PAX5: variants seen among roughly 807,000 people sequenced by gnomAD.
PAX5 encodes the protein paired box 5.
Under a neutral mutation model 43.7 loss-of-function variants are expected in PAX5, and 9 were observed. That is an observed-to-expected ratio of 0.21 (90% CI 0.12 to 0.36). The LOEUF (loss-of-function observed/expected upper bound fraction) is 0.36. PAX5 is among the 10% of genes least tolerant of loss of function. The pLI, the probability that PAX5 is intolerant of heterozygous loss-of-function variation, is 1.00. For missense variants in PAX5, 383 were observed against 532.7 expected, an observed-to-expected ratio of 0.72 and a Z score of 2.77; for synonymous variants, 228 against 214.3, an observed-to-expected ratio of 1.06 and a Z score of -0.56.
chr9:37,020,294 GT>G (rs1310452438), intron 2 of PAX5, among the ~76,000 whole-genome samples: 19 of 152,266 alleles, frequency 1.2e-4, no homozygotes. Flanking sequence ...TTGAACTCTG[GT>G]TATGTGATAT....
intron 6 of PAX5, among the ~76,000 whole-genome samples, chr9:36,958,793 C>T (rs779082551): frequency 2.0e-5 from 3 of 152,176 alleles, no homozygotes; most frequent in South Asian, 2.1e-4. Flanking sequence ...CAAGTCCCCT[C>T]GCACCTCACC....
At chr9:36,874,118 G>A (rs139389916) in intron 8 of PAX5, among the ~76,000 whole-genome samples, 2 of 152,252 alleles carry the variant, frequency 1.3e-5, no homozygotes, top group East Asian at 3.9e-4. Context: ...CCCCGCTCCA[G>A]AACCTCAATA....
At chr9:36,912,659 C>T (rs992123237) in intron 7 of PAX5, among the ~76,000 whole-genome samples, 5 of 152,190 alleles carry the variant, frequency 3.3e-5, no homozygotes, top group Admixed American at 1.3e-4. Flanking sequence ...GCCTCCCCAG[C>T]TGTGAAGTGA....
At chr9:36,873,735 A>G (rs1459561326) in intron 8 of PAX5, among the ~76,000 whole-genome samples, 2 of 152,092 alleles carry the variant, frequency 1.3e-5, no homozygotes, top group East Asian at 3.9e-4. Flanking sequence ...AATCCCCACC[A>G]CCAAGTTCTC....
chr9:36,919,581 C>T lies in PAX5; in HGVS notation c.910+3774G>A, dbSNP rs184713759. Among the ~76,000 whole-genome samples the T allele has an allele frequency of 2.4e-4, 37 of 152,170 alleles. No individual in the cohort carries two copies. The East Asian group carries it at 5.8e-3, about 24-fold the overall frequency. On this transcript the variant is annotated intron_variant, in intron 7 of 9. Transcript: ENST00000358127. ...CAATTTGGCTGGGCACGGTGGCTCA[C>T]GCCTGTAATCCCAGCACTTTGGGAG...
chr9:36,901,683 G>A (rs1334499541), intron 7 of PAX5, among the ~76,000 whole-genome samples: 4 of 152,088 alleles, frequency 2.6e-5, no homozygotes, highest in Non-Finnish European at 4.4e-5. Flanking sequence ...CCGACCCCAC[G>A]CCCTAAACAC....
At chr9:37,023,713 G>A (rs1040235176) in intron 1 of PAX5, among the ~76,000 whole-genome samples, 2 of 152,136 alleles carry the variant, frequency 1.3e-5, no homozygotes, top group African/African-American at 4.8e-5. Context: ...AGGATTTTGG[G>A]GAAAGGGACT....
intron 8 of PAX5, among the ~76,000 whole-genome samples, chr9:36,880,492 A>T (rs4282660): frequency 0.83 from 127,013 of 152,314 alleles, 53,059 homozygotes; most frequent in Admixed American, 0.88. Flanking sequence ...AGAGTGGGCA[A>T]GGCTTCAGCA....
intron 8 of PAX5, among the ~76,000 whole-genome samples, chr9:36,853,134 A>G (rs1288715926): frequency 6.6e-6 from 1 of 152,170 alleles, no homozygotes; most frequent in Non-Finnish European, 1.5e-5. Context: ...CTTAATGTGT[A>G]TTTCATTTCC....
intron 8 of PAX5, among the ~76,000 whole-genome samples, chr9:36,874,391 G>T (rs1307616456): frequency 6.6e-6 from 1 of 152,140 alleles, no homozygotes; most frequent in Non-Finnish European, 1.5e-5. Context: ...GCCTCCAAAA[G>T]TTGCCAAGCT....
intron 1 of PAX5, among the ~76,000 whole-genome samples, chr9:37,033,323 G>C (rs565705336): frequency 3.9e-5 from 6 of 152,318 alleles, no homozygotes; most frequent in Non-Finnish European, 7.3e-5. Context: ...ACGTCTAGGA[G>C]TTTGCCTAGA....
chr9:37,001,607 A>G (rs1837859778), intron 5 of PAX5, among the ~76,000 whole-genome samples: 2 of 152,196 alleles, frequency 1.3e-5, no homozygotes, highest in Admixed American at 6.5e-5. Context: ...CTGCTTCTGC[A>G]CTGCTGGCAA....
intron 5 of PAX5, among the ~76,000 whole-genome samples, chr9:36,977,505 G>T (rs918207885): frequency 1.3e-5 from 2 of 151,722 alleles, no homozygotes; most frequent in Non-Finnish European, 2.9e-5. Context: ...GTCTTTTTTT[G>T]TTTGTTTTTT....
intron 8 of PAX5, among the ~76,000 whole-genome samples, chr9:36,877,313 C>A (rs543232054): frequency 1.3e-5 from 2 of 152,004 alleles, no homozygotes; most frequent in African/African-American, 4.8e-5. Context: ...CCAGCTTGGG[C>A]GACGGCCAGA....
In PAX5 at chr9:36,837,409, T is replaced by C. The variant is rs1821715245; in HGVS notation, c.*3151A>G. The C allele has an allele frequency of 4.3e-6, 1 of 233,162 alleles. No homozygotes were observed. Among genetic ancestry groups the C allele is most frequent in the African/African-American group, 2.2e-5 (1 of 45,334 alleles). The allele number at this position is 233,162 out of a possible 1,614,324, so 14.4% of individuals were successfully genotyped here. ...AGCTAGACTGATGGTATGAGAAATT[T>C]TCATAAAATCCACAATGTCCTTTTC... On this transcript the variant is annotated 3_prime_UTR_variant, in exon 10 of 10. Coordinates refer to ENST00000358127, the MANE Select transcript of PAX5 (RefSeq NM_016734.3).
intron 4 of PAX5, among the ~76,000 whole-genome samples, chr9:37,004,834 G>A (rs1838249218): frequency 6.6e-6 from 1 of 152,188 alleles, no homozygotes; most frequent in African/African-American, 2.4e-5. Context: ...AGGCTCAAAA[G>A]ACCCAGATTC....
intron 7 of PAX5, among the ~76,000 whole-genome samples, chr9:36,895,714 T>A (rs921685108): frequency 2.6e-5 from 4 of 152,318 alleles, no homozygotes; most frequent in South Asian, 4.1e-4. Flanking sequence ...GTGAAGTAAC[T>A]TGCCCATGGT....
At chr9:36,998,158 C>A (rs1338779032) in intron 5 of PAX5, among the ~76,000 whole-genome samples, 1 of 152,202 alleles carries the variant, frequency 6.6e-6, no homozygotes, top group Admixed American at 6.5e-5. Flanking sequence ...TTCCTTTAAC[C>A]AGCCCCAGCT....
At position 36,841,885 on chromosome 9, in the gene PAX5, G is replaced by T. The variant is rs151080564; in HGVS notation, c.1100-1249C>A. ...AAGAAGCTCTGGAGAGTGCAAGATG[G>T]TTCTAGCAAGTTGGCTTTTGGATTA... is the stretch of plus-strand genomic sequence containing the variant. On this transcript the variant is annotated intron_variant, in intron 9 of 9. Coordinates refer to ENST00000358127, the MANE Select transcript of PAX5 (RefSeq NM_016734.3). Among the ~76,000 whole-genome samples the T allele has an allele frequency of 8.1e-3, 1,229 of 152,286 alleles. 15 individuals carry two copies. The highest frequency in any genetic ancestry group is 0.028 in the African/African-American group (1,164 of 41,552).
Sources: allele counts gnomAD v4.1 joint callset (sites outside exome capture counted in the v4.1 genomes callset), GRCh38; gene constraint gnomAD v4.1.1; transcripts MANE v1.5; gene names NCBI Gene and HGNC (gene_info 2026-07-23, HGNC 2026-07-21).